Variants in CEACAM1 observed in about 807,000 individuals in gnomAD.
CEACAM1 encodes CEA cell adhesion molecule 1.
A neutral mutation model predicts 49.1 loss-of-function variants in CEACAM1; 31 were observed. The ratio of observed to expected loss-of-function variants is 0.63; its 90% confidence interval spans 0.47 to 0.85. The LOEUF (loss-of-function observed/expected upper bound fraction) is 0.85. CEACAM1 is among the 40% of genes least tolerant of loss of function. The pLI, the probability that CEACAM1 is intolerant of heterozygous loss-of-function variation, is 0.00. For synonymous variants in CEACAM1, 244 were observed against 247.8 expected (o/e 0.98, Z 0.14); for missense variants, 570 against 645.3 (o/e 0.88, Z 1.26).
chr19:42,511,886 T>C (rs982392758), intron 6 of CEACAM1, among the ~76,000 whole-genome samples: 3 of 151,930 alleles, frequency 2.0e-5, no homozygotes, highest in Non-Finnish European at 4.4e-5. Flanking sequence ...ACCTTTCCCA[T>C]TTTGTTTTCC....
At chr19:42,521,212 A>G (rs1385594328) in intron 4 of CEACAM1, 55 bp downstream of exon 4, 2 of 1,587,204 alleles carry the variant, frequency 1.3e-6, no homozygotes, top group African/African-American at 2.7e-5. Flanking sequence ...TCCTATTTGA[A>G]AACCAGAAAG....
At chr19:42,525,465 T>G (rs989612326) in intron 2 of CEACAM1, among the ~76,000 whole-genome samples, 2 of 152,054 alleles carry the variant, frequency 1.3e-5, no homozygotes, top group Non-Finnish European at 2.9e-5. Context: ...TGACCTCAAG[T>G]GATCCGCCCA....
At chr19:42,528,224 C>G (rs2041943272) in intron 1 of CEACAM1, 87 bp downstream of exon 1, 1 of 1,157,736 alleles carries the variant, frequency 8.6e-7, no homozygotes, top group Non-Finnish European at 1.3e-6. Flanking sequence ...CCCTCTGTCC[C>G]CTCTTAGAGC....
Position 42,522,019 on chromosome 19 carries a change from A to C in CEACAM1, c.608T>G (p.Leu203Arg), listed in dbSNP as rs770356944. Reference protein sequence around the residue: ...LSNGNRTLTLLSVTRNDTGPY... With the variant: ...LSNGNRTLTLRSVTRNDTGPY... ...TCCTGTGTCATTCCTTGTGACACTG[A>C]GTAGAGTGAGGGTCCTGTTGCCATT... Residue 203 changes from leucine (L) to arginine (R), a missense_variant, in exon 3 of 9, where the codon CTC becomes CGC. Physicochemically the swap from Leu to Arg is moderately radical, Grantham distance 102 (BLOSUM62 -2). Coordinates refer to ENST00000161559, the MANE Select transcript of CEACAM1 (RefSeq NM_001712.5). 1 of 1,614,058 alleles carries C rather than the reference A, an allele frequency of 6.2e-7. No individual in the cohort carries two copies. The highest frequency in any genetic ancestry group is 8.5e-7 in the Non-Finnish European group (1 of 1,180,032).
chr19:42,513,841 T>C (rs2041524011), intron 5 of CEACAM1, among the ~76,000 whole-genome samples: 1 of 144,240 alleles, frequency 6.9e-6, no homozygotes. Flanking sequence ...CCCTTTCCCA[T>C]ATTTGATCAT....
At chr19:42,515,092 G>A (rs1350345292) in intron 5 of CEACAM1, 1 of 649,636 alleles carries the variant, frequency 1.5e-6, no homozygotes, top group Non-Finnish European at 2.8e-6. Flanking sequence ...AACATGGTGA[G>A]ATTCTGTCTC....
At chr19:42,511,052 T>A in intron 7 of CEACAM1, 132 bp from the exon 8 acceptor site, 1 of 807,942 alleles carries the variant, frequency 1.2e-6, no homozygotes, top group Non-Finnish European at 2.1e-6. Context: ...TCCCTCAGAG[T>A]GTATGGTCCA....
chr19:42,521,268 A>C lies in CEACAM1; in HGVS notation c.957T>G (p.Thr319=), dbSNP rs753172863. Residue 319 remains threonine (T), a splice_region_variant and synonymous_variant, in exon 4 of 9, where the codon ACT becomes ACG. Coordinates refer to ENST00000161559, the MANE Select transcript of CEACAM1 (RefSeq NM_001712.5). ...GTTGATGCTCCAGGAATTACTTACC[A>C]GTGACTATGATCGTCTTGACTGTGG... ...NRTTVKTIIV[T]ELSPVVAKPQ... is the part of the protein sequence containing the mutation. 7.4e-6 allele frequency: 12 copies of C among 1,613,716 alleles called. No homozygotes were observed. In the East Asian group the frequency reaches 2.7e-4, roughly 36 times the overall value.
intron 4 of CEACAM1, chr19:42,521,027 C>T (rs1212058721): frequency 5.8e-6 from 3 of 516,562 alleles, no homozygotes; most frequent in Non-Finnish European, 1.0e-5. Flanking sequence ...ACGGGGCTTT[C>T]TGGGGCTGAG....
At chr19:42,510,055 T>C (rs1043534330) in intron 8 of CEACAM1, among the ~76,000 whole-genome samples, 50 of 152,160 alleles carry the variant, frequency 3.3e-4, no homozygotes, top group African/African-American at 1.2e-3. Context: ...CTTTTCAGTA[T>C]GTATGTTTGC....
At chr19:42,511,835 A>C (rs569643200) in intron 6 of CEACAM1, among the ~76,000 whole-genome samples, 1 of 151,048 alleles carries the variant, frequency 6.6e-6, no homozygotes, top group South Asian at 2.1e-4. Context: ...ATTTCATTTC[A>C]TTCTTTATCA....
At chr19:42,521,121 T>A (rs2041734244) in intron 4 of CEACAM1, 146 bp downstream of exon 4, 1 of 838,484 alleles carries the variant, frequency 1.2e-6, no homozygotes, top group African/African-American at 1.7e-5. Flanking sequence ...TCTGCACAGA[T>A]GAATTGAGAG....
Position 42,508,786 on chromosome 19 carries a change from C to G in CEACAM1, c.*323G>C. The G allele has an allele frequency of 3.4e-6, 1 of 296,588 alleles. No individual in the cohort carries two copies. Among genetic ancestry groups the G allele is most frequent in the Non-Finnish European group, 6.4e-6 (1 of 156,210 alleles). 18.4% of individuals were successfully genotyped at this position (296,588 alleles called of 1,614,324 possible). A position where few individuals can be genotyped will look rare whatever the true frequency, so the allele number is the denominator to read the frequency against. ...CTGGGGGTGGGAAGGAATGAGTGCT[C>G]TGAACAGGCAAGTTTAAAACAAGTC... On this transcript the variant is annotated 3_prime_UTR_variant, in exon 9 of 9. Coordinates refer to ENST00000161559, the MANE Select transcript of CEACAM1 (RefSeq NM_001712.5).
chr19:42,521,639 A>G, intron 3 of CEACAM1, 118 bp from the exon 4 acceptor site: 1 of 1,532,062 alleles, frequency 6.5e-7, no homozygotes, highest in Non-Finnish European at 8.8e-7. Context: ...GTCCTAACCA[A>G]ACCTCCATTG....
chr19:42,510,633 G>A (rs531060837), intron 8 of CEACAM1, among the ~76,000 whole-genome samples: 1 of 152,194 alleles, frequency 6.6e-6, no homozygotes, highest in African/African-American at 2.4e-5. Flanking sequence ...GATGATCAAA[G>A]AGGTTAAGTT....
At chr19:42,509,646 C>T (rs1225088444) in intron 8 of CEACAM1, among the ~76,000 whole-genome samples, 1 of 149,420 alleles carries the variant, frequency 6.7e-6, no homozygotes, top group Admixed American at 6.6e-5. Context: ...TTTTTTTTTG[C>T]GACGGAGTCT....
rs1342499310 is a variant in CEACAM1 at position 42,521,357 on chromosome 19, T to C, written c.868A>G (p.Thr290Ala). The change falls in exon 4 of 9, where the codon ACT (threonine) becomes GCT (alanine). Residue 290 changes from threonine (T) to alanine (A), a missense_variant. Physicochemically the swap from Thr to Ala is moderately conservative, Grantham distance 58. Coordinates refer to ENST00000161559, the MANE Select transcript of CEACAM1 (RefSeq NM_001712.5). ...GTATAGGATCCACTATTATTCACAG[T>C]GATGTTAGGGATAAAGAGCTCTTGT... ...STQELFIPNITVNNSGSYTCH... is the reference protein window; with the variant it reads ...STQELFIPNIAVNNSGSYTCH... 6.2e-7 allele frequency: 1 copy of C among 1,614,100 alleles called. No homozygotes were observed. Among genetic ancestry groups the C allele is most frequent in the South Asian group, 1.1e-5 (1 of 91,078 alleles).
chr19:42,514,234 C>G (rs1314225059), intron 5 of CEACAM1, among the ~76,000 whole-genome samples: 2 of 151,108 alleles, frequency 1.3e-5, no homozygotes, highest in Non-Finnish European at 2.9e-5. Context: ...CAGGTTCAAG[C>G]GATTCTCCTA....
intron 3 of CEACAM1, 146 bp downstream of exon 3, chr19:42,521,778 G>T (rs1356565011): frequency 6.5e-7 from 1 of 1,549,676 alleles, no homozygotes. Context: ...GCCCAGGTTT[G>T]CCTGGGGAAA....
Sources: gnomAD v4.1 joint callset for allele counts (sites outside exome capture counted in the v4.1 genomes callset) on GRCh38, gnomAD v4.1.1 for gene constraint, MANE v1.5 for transcripts, NCBI Gene and HGNC (gene_info 2026-07-23, HGNC 2026-07-21) for gene names.